Variants in CELSR2 observed in about 807,000 individuals in gnomAD.
CELSR2 encodes the protein EGF-like protein 2.
In CELSR2, 81 loss-of-function variants were observed where a neutral mutation model predicts 251.6. The observed-to-expected ratio is 0.32, with a 90% CI of 0.27 to 0.39. The LOEUF is 0.39. CELSR2 is among the 10% of genes least tolerant of loss of function. CELSR2 has a pLI of 1.00. For missense variants in CELSR2, 3,365 were observed against 3,947.7 expected (o/e 0.85, Z 3.96); for synonymous variants, 1,721 against 1,670.5 (o/e 1.03, Z -0.74).
At position 109,275,693 on chromosome 1, in the gene CELSR2, T is replaced by TTTG. The variant is rs577083959; in HGVS notation, c.*1656_*1658dup. ...GTTGTTGCTGTAAATAGGGTAGCGT[T>TTTG]TTGTTGTTGTTGTTTTTTCATGCCC... is the stretch of plus-strand genomic sequence containing the variant. On this transcript the variant is annotated 3_prime_UTR_variant, in exon 34 of 34. Transcript: ENST00000271332. The TTTG allele has an allele frequency of 6.6e-6, 1 of 152,144 alleles. No homozygotes were observed. The highest frequency in any genetic ancestry group is 1.5e-5 in the Non-Finnish European group (1 of 68,030). The allele number at this position is 152,144 out of a possible 1,614,324, so 9.4% of individuals were successfully genotyped here. A position where few individuals can be genotyped will look rare whatever the true frequency, so the allele number is the denominator to read the frequency against.
chr1:109,256,236 G>A (rs919318833), intron 1 of CELSR2, among the ~76,000 whole-genome samples: 1 of 152,228 alleles, frequency 6.6e-6, no homozygotes, highest in Non-Finnish European at 1.5e-5. Flanking sequence ...TGGAGCAGGT[G>A]AGCTAGGGCA....
chr1:109,254,091 T>C (rs1364130167), intron 1 of CELSR2, among the ~76,000 whole-genome samples: 2 of 152,152 alleles, frequency 1.3e-5, no homozygotes, highest in Non-Finnish European at 2.9e-5. Context: ...GGGTCTGGCT[T>C]GGAGGAGGGG....
chr1:109,274,159 AGCAGCGACGAAACGTCCATCT>A lies in CELSR2; in HGVS notation c.*112_*132del, dbSNP rs1656459323. 1.9e-6 allele frequency: 3 copies of A among 1,600,538 alleles called. No homozygotes were observed. The highest frequency in any genetic ancestry group is 2.6e-6 in the Non-Finnish European group (3 of 1,175,328). On this transcript the variant is annotated 3_prime_UTR_variant, in exon 34 of 34. Coordinates refer to ENST00000271332, the MANE Select transcript of CELSR2 (RefSeq NM_001408.3). Reference sequence around the variant, plus strand: ...GCCCCGCTCCCCATCGCCTGCCCGCAGCAGCGACGAAACGTCCATCTGAGGAGCCTGGGCCTTGCCGGGAGG... The same window carrying A: ...GCCCCGCTCCCCATCGCCTGCCCGCAGAGGAGCCTGGGCCTTGCCGGGAGG...
Position 109,252,301 on chromosome 1 carries a change from C to T in CELSR2, c.2222C>T (p.Thr741Ile). ...CTGATCAGCGCCACGGATGAGGACACAGGTGAGAATGCCCGCATCACCTAC... is the reference window on the plus strand; with the variant it reads ...CTGATCAGCGCCACGGATGAGGACATAGGTGAGAATGCCCGCATCACCTAC... ...VVLISATDED[T>I]GENARITYFM... Residue 741 changes from threonine to isoleucine, a missense_variant, in exon 1 of 34, where the codon ACA becomes ATA. Around this residue, in one of 5 missense-constraint regions of CELSR2, gnomAD observed 505 missense variants for 660.0 expected, o/e 0.77. Coordinates refer to ENST00000271332, the MANE Select transcript of CELSR2 (RefSeq NM_001408.3). This position sits in a 1 kb window ranked among gnomAD's most constrained non-coding sequence, Gnocchi z 4.8. The T allele has an allele frequency of 1.2e-6, 2 of 1,613,256 alleles. No individual in the cohort carries two copies. The highest frequency in any genetic ancestry group is 1.7e-6 in the Non-Finnish European group (2 of 1,180,020).
chr1:109,262,193 G>A, intron 5 of CELSR2, 94 bp from the exon 6 acceptor site: 3 of 1,506,526 alleles, frequency 2.0e-6, no homozygotes, highest in Non-Finnish European at 2.7e-6. Context: ...GTCTGGGCAT[G>A]TGGGTGCACA....
In CELSR2 at chr1:109,265,173, C is replaced by A; in HGVS notation, c.5607-18C>A. The stretch of plus-strand genomic sequence containing the variant: ...AGTGGCAGGGGGAGCTCATGCCTAC[C>A]TGGGTCCCTCTCTGCAGGATTGACC... On this transcript the variant is annotated intron_variant, in intron 12 of 33. Coordinates refer to ENST00000271332, the MANE Select transcript of CELSR2 (RefSeq NM_001408.3). 6.3e-7 allele frequency: 1 copy of A among 1,582,562 alleles called. No individual in the cohort carries two copies. The highest frequency in any genetic ancestry group is 8.6e-7 in the Non-Finnish European group (1 of 1,162,430).
chr1:109,253,972 C>T (rs1033616032), intron 1 of CELSR2, among the ~76,000 whole-genome samples: 3 of 152,232 alleles, frequency 2.0e-5, no homozygotes, highest in African/African-American at 7.2e-5. Context: ...ATTCTTTTCC[C>T]TCCAGGCAGA....
chr1:109,267,610 A>T lies in CELSR2; in HGVS notation c.6076A>T (p.Thr2026Ser), dbSNP rs761264147. Residue 2026 changes from threonine to serine, a missense_variant, in exon 16 of 34, where the codon ACG (threonine) becomes TCG (serine). Coordinates refer to ENST00000271332, the MANE Select transcript of CELSR2 (RefSeq NM_001408.3). ...GWLPPNLFNC[T>S]SITFSELKGF... ...GCTCCCCCCAAACCTCTTCAACTGC[A>T]CGTCCATCACCTTCTCAGAACTGAA... 2 of 1,614,136 alleles carry T rather than the reference A, an allele frequency of 1.2e-6. No homozygotes were observed. The highest frequency in any genetic ancestry group is 1.7e-6 in the Non-Finnish European group (2 of 1,180,012).
chr1:109,272,457 C>G, intron 29 of CELSR2, 52 bp downstream of exon 29: 4 of 1,572,942 alleles, frequency 2.5e-6, no homozygotes, highest in African/African-American at 1.3e-5. Context: ...CCCACGCATG[C>G]TGGACCCAGG....
At chr1:109,254,649 C>T (rs1268677368) in intron 1 of CELSR2, among the ~76,000 whole-genome samples, 1 of 152,112 alleles carries the variant, frequency 6.6e-6, no homozygotes, top group Non-Finnish European at 1.5e-5. Flanking sequence ...GGCTGGCAGG[C>T]CCCTACTCCC....
chr1:109,262,679 G>A (rs754998993), intron 6 of CELSR2, 127 bp from the exon 7 acceptor site: 135 of 1,474,976 alleles, frequency 9.2e-5, no homozygotes, highest in Admixed American at 2.1e-4. Flanking sequence ...CCCTTCCTGA[G>A]CACTGCTCTG....
rs1326683654 is a variant in CELSR2, at chr1:109,271,304, T to C, written c.7676+8T>C. The C allele has an allele frequency of 1.9e-6, 3 of 1,613,684 alleles. No individual in the cohort carries two copies. Among genetic ancestry groups the C allele is most frequent in the Non-Finnish European group, 2.5e-6 (3 of 1,179,966 alleles). On this transcript the variant is annotated splice_region_variant and intron_variant, in intron 26 of 33. Coordinates refer to ENST00000271332, the MANE Select transcript of CELSR2 (RefSeq NM_001408.3). ...TGAGAAGAAAGGTCCTGTGTGAGTA[T>C]AGGGTTGGGGTGCCTGGGCCATGGG...
chr1:109,253,082 T>A lies in CELSR2; in HGVS notation c.3003T>A (p.Ala1001=). 6.2e-7 allele frequency: 1 copy of A among 1,613,578 alleles called. No homozygotes were observed. The highest frequency in any genetic ancestry group is 8.5e-7 in the Non-Finnish European group (1 of 1,180,002). ...EYVLVIQATS[A]PLVSRATVHV... ...TCCTGGTCATCCAGGCCACGTCAGC[T>A]CCTCTGGTGAGCCGGGCTACAGTCC... Residue 1001 remains alanine, a synonymous_variant, in exon 1 of 34, where the codon GCT becomes GCA. Transcript: ENST00000271332.
In CELSR2 at chr1:109,265,066, G is replaced by A; in HGVS notation, c.5606+57G>A. On this transcript the variant is annotated intron_variant, in intron 12 of 33. Transcript: ENST00000271332. ...CCAGTGGCTGCTGCTTCTCTCTGGT[G>A]TGTCCCTCAGAGCCCCGAAAGCCTG... 6 of 1,609,792 alleles carry A rather than the reference G, an allele frequency of 3.7e-6. No individual in the cohort carries two copies. The South Asian group carries it at 5.5e-5, about 15-fold the overall frequency.
rs779643840 is a variant in CELSR2 at position 109,250,794 on chromosome 1, G to A, written c.715G>A (p.Gly239Ser). The A allele has an allele frequency of 6.2e-7, 1 of 1,614,054 alleles. No homozygotes were observed. Residue 239 changes from glycine to serine, a missense_variant, in exon 1 of 34, where the codon GGT (glycine) becomes AGT (serine). Around this residue, in one of 5 missense-constraint regions of CELSR2, gnomAD observed 704 missense variants for 784.1 expected, o/e 0.90. Coordinates refer to ENST00000271332, the MANE Select transcript of CELSR2 (RefSeq NM_001408.3). This position sits in a 1 kb window ranked among gnomAD's most constrained non-coding sequence, Gnocchi z 4.4. ...NQFFSLDPVT[G>S]AVTTAEELDR... ...GTTCTTCTCCCTGGACCCAGTCACT[G>A]GTGCAGTAACCACAGCCGAGGAGCT...
chr1:109,263,697 A>T lies in CELSR2; in HGVS notation c.4921A>T (p.Ser1641Cys), dbSNP rs1656095646. 1 of 1,613,924 alleles carries T rather than the reference A, an allele frequency of 6.2e-7. No homozygotes were observed. The highest frequency in any genetic ancestry group is 8.5e-7 in the Non-Finnish European group (1 of 1,179,958). ...GCCCATCTCCCAACCCTGGTACCTC[A>T]GCCTCATGTTCCGCACGCGCCAGGC... ...SLPISQPWYLSLMFRTRQADG... is the reference protein window; with the variant it reads ...SLPISQPWYLCLMFRTRQADG... Residue 1641 changes from serine to cysteine, a missense_variant, in exon 9 of 34, where the codon AGC becomes TGC. Coordinates refer to ENST00000271332, the MANE Select transcript of CELSR2 (RefSeq NM_001408.3).
In CELSR2 at chr1:109,251,963, C is replaced by T. The variant is rs781699952; in HGVS notation, c.1884C>T (p.Ser628=). Residue 628 remains serine (S), a synonymous_variant, in exon 1 of 34, where the codon AGC becomes AGT. Transcript: ENST00000271332. The surrounding 1 kb of genome is among the most constrained non-coding windows in gnomAD (Gnocchi z 4.9). ...ATGAGGATGCAGCTGTGGGCACCAGCGTGGTGACGGTGTCAGCTGTGGACC... is the reference window on the plus strand; with the variant it reads ...ATGAGGATGCAGCTGTGGGCACCAGTGTGGTGACGGTGTCAGCTGTGGACC... ...RLNEDAAVGT[S]VVTVSAVDRD... is the part of the protein sequence containing the mutation. The T allele has an allele frequency of 2.1e-5, 34 of 1,614,028 alleles. No homozygotes were observed. The highest frequency in any genetic ancestry group is 2.8e-5 in the Non-Finnish European group (33 of 1,180,044).
Position 109,273,263 on chromosome 1 carries a change from G to T in CELSR2, c.8436G>T (p.Arg2812=). The T allele has an allele frequency of 6.2e-7, 1 of 1,610,918 alleles. No individual in the cohort carries two copies. Among genetic ancestry groups the T allele is most frequent in the Non-Finnish European group, 8.5e-7 (1 of 1,178,540 alleles). Residue 2812 remains arginine (R), a synonymous_variant, in exon 32 of 34, where the codon CGG becomes CGT. Transcript: ENST00000271332. The part of the protein sequence containing the change: ...SGNGAPEERL[R]ENGDALSREG... ...ACGGGGCCCCTGAGGAGCGGCTGCGGGAGAATGGAGATGCCCTGTCTCGAG... is the reference window on the plus strand; with the variant it reads ...ACGGGGCCCCTGAGGAGCGGCTGCGTGAGAATGGAGATGCCCTGTCTCGAG...
At chr1:109,260,896 C>T (rs767789512) in intron 2 of CELSR2, 146 bp from the exon 3 acceptor site, 12 of 630,538 alleles carry the variant, frequency 1.9e-5, no homozygotes, top group East Asian at 2.8e-5. Flanking sequence ...AGATGGCACA[C>T]GAGAGGAAGT....
Sources: gnomAD v4.1 joint callset for allele counts (sites outside exome capture counted in the v4.1 genomes callset) on GRCh38, gnomAD v4.1.1 for gene constraint, gnomAD v4.1.1 regional missense constraint, Gnocchi (gnomAD v3.1) non-coding constraint, MANE v1.5 for transcripts, NCBI Gene and HGNC (gene_info 2026-07-23, HGNC 2026-07-21) for gene names.